Variants in FZR1 observed in about 807,000 individuals in gnomAD.
The protein encoded by FZR1 is fizzy-related protein homolog.
Under a neutral mutation model 63.6 loss-of-function variants are expected in FZR1, and 11 were observed. The ratio of observed to expected loss-of-function variants is 0.17; its 90% CI spans 0.11 to 0.29. FZR1 has a LOEUF of 0.29. Ranked by LOEUF, FZR1 falls within the 10% of genes least tolerant of loss-of-function variation. The probability of loss-of-function intolerance (pLI) is 1.00; values close to 1 mark genes in which losing one functional copy is unlikely to be tolerated. For missense variants in FZR1, 440 were observed against 687.5 expected, an observed-to-expected ratio of 0.64 and a Z score of 4.03; for synonymous variants, 328 against 297.9, an observed-to-expected ratio of 1.10 and a Z score of -1.04.
chr19:3,507,835 G>C (rs1026224543), intron 1 of FZR1, among the ~76,000 whole-genome samples: 4 of 152,254 alleles, frequency 2.6e-5, no homozygotes, highest in Admixed American at 2.0e-4. Context: ...TCAGGGGCCC[G>C]TGTGTTTTGG....
chr19:3,509,491 C>T (rs1014965718), intron 1 of FZR1, among the ~76,000 whole-genome samples: 4 of 152,228 alleles, frequency 2.6e-5, no homozygotes, highest in East Asian at 1.9e-4. Context: ...GGATACACTT[C>T]TCCTGCCGCA....
chr19:3,522,243 C>A (rs2083109164), intron 1 of FZR1, among the ~76,000 whole-genome samples: 1 of 152,190 alleles, frequency 6.6e-6, no homozygotes, highest in Non-Finnish European at 1.5e-5. Flanking sequence ...TTGTACAAAC[C>A]CCCTTCCTGC....
At chr19:3,518,865 C>T (rs1419026795) in intron 1 of FZR1, among the ~76,000 whole-genome samples, 1 of 152,120 alleles carries the variant, frequency 6.6e-6, no homozygotes, top group African/African-American at 2.4e-5. Context: ...GACCCTGTCT[C>T]CATAAAAAAA....
intron 1 of FZR1, among the ~76,000 whole-genome samples, chr19:3,513,837 G>T (rs1024599908): frequency 2.0e-5 from 3 of 152,140 alleles, no homozygotes; most frequent in African/African-American, 4.8e-5. Flanking sequence ...GGGCCAGGGT[G>T]GGGGGATGCC....
chr19:3,522,651 G>A (rs1446739247), intron 1 of FZR1, among the ~76,000 whole-genome samples: 3 of 152,164 alleles, frequency 2.0e-5, no homozygotes, highest in Non-Finnish European at 2.9e-5. Flanking sequence ...AGTCCTTGTC[G>A]GGACCTCCAG....
chr19:3,520,333 G>A (rs1039848440), intron 1 of FZR1, among the ~76,000 whole-genome samples: 2 of 152,124 alleles, frequency 1.3e-5, no homozygotes, highest in African/African-American at 2.4e-5. Flanking sequence ...CCAGTAGGGG[G>A]CAGGCTGGAA....
At position 3,511,717 on chromosome 19, in the gene FZR1, C is replaced by T. The variant is rs963897772; in HGVS notation, c.-35+5243C>T. Among the ~76,000 whole-genome samples the T allele has an allele frequency of 7.2e-5, 11 of 152,122 alleles. 1 individual carries two copies. Among genetic ancestry groups the T allele is most frequent in the African/African-American group, 1.9e-4 (8 of 41,436 alleles). ...TGAGTAAATGAATGAATGACGTGCA[C>T]GGGGTGTATTCCCGGGGCCCAGGCA... On this transcript the variant is annotated intron_variant, in intron 1 of 13. Transcript: ENST00000441788.
chr19:3,520,327 T>C (rs982366107), intron 1 of FZR1, among the ~76,000 whole-genome samples: 3 of 151,938 alleles, frequency 2.0e-5, no homozygotes, highest in Admixed American at 6.5e-5. Context: ...CTGGCCCCAG[T>C]AGGGGGCAGG....
chr19:3,510,456 G>A (rs138746025), intron 1 of FZR1, among the ~76,000 whole-genome samples: 577 of 152,332 alleles, frequency 3.8e-3, no homozygotes, highest in Non-Finnish European at 6.6e-3. Flanking sequence ...TCTGGAGAGC[G>A]GCAGGCCGTT....
In FZR1 at chr19:3,527,833, G is replaced by T. The variant is rs765108513; in HGVS notation, c.654+19G>T. On this transcript the variant is annotated intron_variant, in intron 7 of 13. Transcript: ENST00000441788. ...CAGCCAGGTGGGTGCTGCGTGGGGTGTGCATGTGCATGGGGGCCTCCCCAG... is the reference window on the plus strand; with the variant it reads ...CAGCCAGGTGGGTGCTGCGTGGGGTTTGCATGTGCATGGGGGCCTCCCCAG... 6.3e-7 allele frequency: 1 copy of T among 1,583,752 alleles called. No individual in the cohort carries two copies. Among genetic ancestry groups the T allele is most frequent in the African/African-American group, 1.3e-5 (1 of 74,354 alleles).
chr19:3,531,097 C>A (rs1599791804), intron 8 of FZR1, among the ~76,000 whole-genome samples: 1 of 152,136 alleles, frequency 6.6e-6, no homozygotes, highest in South Asian at 2.1e-4. Flanking sequence ...AATAACGCCC[C>A]AGTTCCTTCC....
At position 3,531,831 on chromosome 19, in the gene FZR1, T is replaced by A. The variant is rs1165583044; in HGVS notation, c.823+15T>A. ...GGCACGCGTCGGTGAGGAGCCCGGG[T>A]CCCATGGCTGGTGAGCTCCCTGAGG... is the stretch of plus-strand genomic sequence containing the variant. On this transcript the variant is annotated intron_variant, in intron 9 of 13. Coordinates refer to ENST00000441788, the MANE Select transcript of FZR1 (RefSeq NM_016263.4). 1.3e-6 allele frequency: 2 copies of A among 1,549,068 alleles called. No homozygotes were observed. Among genetic ancestry groups the A allele is most frequent in the Non-Finnish European group, 8.7e-7 (1 of 1,145,902 alleles).
In FZR1 at chr19:3,533,414, GCACTTCAA is replaced by G; in HGVS notation, c.1347+17_1347+24del. 6.6e-7 allele frequency: 1 copy of G among 1,513,612 alleles called. No individual in the cohort carries two copies. The highest frequency in any genetic ancestry group is 1.1e-5 in the South Asian group (1 of 89,112). 93.8% of individuals were successfully genotyped at this position (1,513,612 alleles called of 1,614,324 possible). ...GCTGTACCTGGTGAGTTCACGCCAG[GCACTTCAA>G]GGTGCCCCGGGATTCTGGACAAACT... On this transcript the variant is annotated intron_variant, in intron 12 of 13. Coordinates refer to ENST00000441788, the MANE Select transcript of FZR1 (RefSeq NM_016263.4). The surrounding 1 kb of genome is among the most constrained non-coding windows in gnomAD (Gnocchi z 4.9).
At chr19:3,532,144 C>T (rs1367891765) in intron 10 of FZR1, 49 bp downstream of exon 10, 2 of 1,440,614 alleles carry the variant, frequency 1.4e-6, no homozygotes, top group South Asian at 2.7e-5. Flanking sequence ...AGCCGCACCC[C>T]TCACACTGGC....
Position 3,515,191 on chromosome 19 carries a change from G to C in FZR1, c.-34-7765G>C, listed in dbSNP as rs903766608. Among the ~76,000 whole-genome samples, 4 of 152,224 alleles carry C rather than the reference G, an allele frequency of 2.6e-5. No homozygotes were observed. Among genetic ancestry groups the C allele is most frequent in the Non-Finnish European group, 5.9e-5 (4 of 68,034 alleles). On this transcript the variant is annotated intron_variant, in intron 1 of 13. Transcript: ENST00000441788. This position sits in a 1 kb window ranked among gnomAD's most constrained non-coding sequence, Gnocchi z 4.6. ...CCTGGCGGAGCACGAGTCACTCACT[G>C]ATTCACTGCTGATGTGCAGCGAGGG...
intron 7 of FZR1, among the ~76,000 whole-genome samples, chr19:3,528,486 C>T (rs2083185564): frequency 6.6e-6 from 1 of 152,174 alleles, no homozygotes; most frequent in African/African-American, 2.4e-5. Context: ...AGCTTCCTCC[C>T]ATCCTCTGCT....
rs911458614 is a variant in FZR1 at position 3,514,782 on chromosome 19, T to C, written c.-34-8174T>C. Among the ~76,000 whole-genome samples the C allele has an allele frequency of 1.3e-5, 2 of 152,158 alleles. No individual in the cohort carries two copies. Among genetic ancestry groups the C allele is most frequent in the Non-Finnish European group, 1.5e-5 (1 of 68,006 alleles). The stretch of plus-strand genomic sequence containing the variant: ...CCGACTCCATTTTTTTCCACATATT[T>C]ATCCCAGGGCGTCTCCCTCTGTACG... On this transcript the variant is annotated intron_variant, in intron 1 of 13. Coordinates refer to ENST00000441788, the MANE Select transcript of FZR1 (RefSeq NM_016263.4). The surrounding 1 kb of genome is among the most constrained non-coding windows in gnomAD (Gnocchi z 4.2).
At chr19:3,524,759 A>C (rs1261489465) in intron 2 of FZR1, among the ~76,000 whole-genome samples, 1 of 152,024 alleles carries the variant, frequency 6.6e-6, no homozygotes, top group Non-Finnish European at 1.5e-5. Context: ...GGCTCCTGCT[A>C]TCCGTGGCTG....
Position 3,537,786 on chromosome 19 carries a change from C to T in FZR1, c.*2950C>T, listed in dbSNP as rs535829711. ...GATGATGAAACCGAGCAGACCTGGCCCATGTGGAGCTGGCATGGGGGACAC... is the reference window on the plus strand; with the variant it reads ...GATGATGAAACCGAGCAGACCTGGCTCATGTGGAGCTGGCATGGGGGACAC... On this transcript the variant is annotated 3_prime_UTR_variant, in exon 14 of 14. Coordinates refer to ENST00000441788, the MANE Select transcript of FZR1 (RefSeq NM_016263.4). 2.6e-5 allele frequency: 4 copies of T among 152,764 alleles called. No individual in the cohort carries two copies. Among genetic ancestry groups the T allele is most frequent in the Admixed American group, 2.6e-4 (4 of 15,298 alleles). The allele number at this position is 152,764 out of a possible 1,614,324, so 9.5% of individuals were successfully genotyped here.
Sources: allele counts gnomAD v4.1 joint callset (sites outside exome capture counted in the v4.1 genomes callset), GRCh38; gene constraint gnomAD v4.1.1; non-coding constraint Gnocchi (gnomAD v3.1); transcripts MANE v1.5; gene names NCBI Gene and HGNC (gene_info 2026-07-23, HGNC 2026-07-21).